Variants in GTF2I observed in about 807,000 individuals in gnomAD.
GTF2I encodes general transcription factor IIi, also known as general transcription factor II-I.
A neutral mutation model predicts 67.6 loss-of-function variants in GTF2I; 12 were observed. The observed-to-expected ratio is 0.18, with a 90% CI of 0.11 to 0.29. The LOEUF is 0.29. Among genes scored for constraint, GTF2I ranks in the 10% least tolerant of loss-of-function variants. GTF2I has a pLI of 1.00. For synonymous variants in GTF2I, 149 were observed against 197.0 expected, an observed-to-expected ratio of 0.76 and a Z score of 2.04; for missense variants, 271 against 580.1, an observed-to-expected ratio of 0.47 and a Z score of 5.47.
intron 1 of GTF2I, among the ~76,000 whole-genome samples, chr7:74,680,423 G>C (rs762821842): frequency 2.6e-5 from 4 of 151,782 alleles, no homozygotes; most frequent in African/African-American, 7.3e-5. Context: ...CTTCAAGCGC[G>C]TTCTTCCTTT....
At chr7:74,664,353 AAAGT>A (rs1804782330) in intron 1 of GTF2I, among the ~76,000 whole-genome samples, 2 of 152,150 alleles carry the variant, frequency 1.3e-5, no homozygotes, top group Admixed American at 1.3e-4. Context: ...GCCTACTGAG[AAAGT>A]AAGAGAAAGT....
chr7:74,693,642 C>T (rs782745071), intron 3 of GTF2I, among the ~76,000 whole-genome samples: 3 of 151,918 alleles, frequency 2.0e-5, no homozygotes, highest in South Asian at 2.1e-4. Context: ...GTCAAGAGAT[C>T]GAGACCATCC....
chr7:74,702,429 T>A (rs1247268428), intron 6 of GTF2I, among the ~76,000 whole-genome samples: 1 of 152,158 alleles, frequency 6.6e-6, no homozygotes, highest in Non-Finnish European at 1.5e-5. Context: ...GGTTTCACCA[T>A]GTTGGCCAGG....
intron 1 of GTF2I, among the ~76,000 whole-genome samples, chr7:74,666,936 C>T (rs1554388765): frequency 6.6e-6 from 1 of 152,002 alleles, no homozygotes. Context: ...GCTGAGATCG[C>T]ACCACTGCAC....
At chr7:74,726,579 C>T (rs1793808681) in intron 12 of GTF2I, 1 of 152,194 alleles carries the variant, frequency 6.6e-6, no homozygotes, top group South Asian at 2.1e-4. Context: ...TCCCGTGGCT[C>T]ATGCCTATAA....
Position 74,657,759 on chromosome 7 carries a change from GC to G in GTF2I, c.-308del, listed in dbSNP as rs1219396231. Reference sequence around the variant, plus strand: ...GAGCAGAGAAAAGGGGCCACCGGTCGCCCCCCCGCTTCCCCGCACGCGCTCT... The same window carrying G: ...GAGCAGAGAAAAGGGGCCACCGGTCGCCCCCCGCTTCCCCGCACGCGCTCT... On this transcript the variant is annotated 5_prime_UTR_variant, in exon 1 of 35. Transcript: ENST00000573035. 3 of 147,332 alleles carry G rather than the reference GC, an allele frequency of 2.0e-5. No individual in the cohort carries two copies. Among genetic ancestry groups the G allele is most frequent in the Non-Finnish European group, 4.5e-5 (3 of 66,920 alleles). 9.1% of individuals were successfully genotyped at this position (147,332 alleles called of 1,614,324 possible).
intron 26 of GTF2I, among the ~76,000 whole-genome samples, chr7:74,749,903 A>C (rs1795693684): frequency 6.7e-6 from 1 of 150,258 alleles, no homozygotes; most frequent in South Asian, 2.1e-4. Flanking sequence ...ACAAAAAAAA[A>C]AAAAAAAAAG....
Position 74,704,268 on chromosome 7 carries a change from T to TTTTA in GTF2I, c.587-872_587-869dup, listed in dbSNP as rs55926323. 4.4e-3 allele frequency among the ~76,000 whole-genome samples: 632 copies of TTTTA among 144,336 alleles called. 2 individuals carry two copies. Among genetic ancestry groups the TTTTA allele is most frequent in the African/African-American group, 0.013 (533 of 39,506 alleles). The allele number at this position is 144,336 out of a possible 152,430, so 94.7% of individuals were successfully genotyped here. A position where few individuals can be genotyped will look rare whatever the true frequency, so the allele number is the denominator to read the frequency against. On this transcript the variant is annotated intron_variant, in intron 6 of 34. Coordinates refer to ENST00000573035, the MANE Select transcript of GTF2I (RefSeq NM_032999.4). The stretch of plus-strand genomic sequence containing the variant: ...AGTTTTTTTTAAACTTAATTATTAT[T>TTTTA]TTTATTTATTTATTTATTTATTTAT...
chr7:74,714,185 A>C (rs587734209), intron 9 of GTF2I, among the ~76,000 whole-genome samples: 2 of 152,318 alleles, frequency 1.3e-5, no homozygotes, highest in South Asian at 4.1e-4. Flanking sequence ...ATCATTAAAA[A>C]GTTTGATGAT....
At chr7:74,687,345 C>T (rs371057538) in intron 1 of GTF2I, among the ~76,000 whole-genome samples, 3 of 152,176 alleles carry the variant, frequency 2.0e-5, no homozygotes, top group East Asian at 3.8e-4. Flanking sequence ...CTGCCTCAGC[C>T]TCCCAAGTAG....
intron 1 of GTF2I, among the ~76,000 whole-genome samples, chr7:74,681,679 A>G (rs369173006): frequency 8.5e-5 from 13 of 152,322 alleles, no homozygotes; most frequent in African/African-American, 2.6e-4. Context: ...TGGGAGCCCA[A>G]AGCAGACGGA....
At chr7:74,710,991 AGTTC>A in intron 8 of GTF2I, 37 bp from the exon 9 acceptor site, 1 of 971,242 alleles carries the variant, frequency 1.0e-6, no homozygotes, top group Non-Finnish European at 1.6e-6. Flanking sequence ...TCTAGCTGAA[AGTTC>A]TCACATGCAA....
At chr7:74,725,935 G>T (rs1359555116) in intron 12 of GTF2I, among the ~76,000 whole-genome samples, 1 of 150,908 alleles carries the variant, frequency 6.6e-6, no homozygotes, top group Non-Finnish European at 1.5e-5. Context: ...ATGTTTGTGT[G>T]ACTGAAAAAG....
chr7:74,676,861 G>A (rs931270525), intron 1 of GTF2I, among the ~76,000 whole-genome samples: 1 of 152,066 alleles, frequency 6.6e-6, no homozygotes, highest in African/African-American at 2.4e-5. Flanking sequence ...TTCAAGACCA[G>A]CCTGGCCAAC....
rs782739189 is a variant in GTF2I, at chr7:74,706,390, T to C, written c.642T>C (p.Ser214=). ...ADRSILSPGG[S]CGPIKVKTEP... ...GATCAGGGCTTTCTTCTCCTTGCAGTTGTGGCCCCATCAAAGTGAAAACTG... is the reference window on the plus strand; with the variant it reads ...GATCAGGGCTTTCTTCTCCTTGCAGCTGTGGCCCCATCAAAGTGAAAACTG... The change falls in exon 8 of 35, where the codon AGT becomes AGC. Residue 214 remains serine, a splice_region_variant and synonymous_variant. Transcript: ENST00000573035. 7 of 1,613,612 alleles carry C rather than the reference T, an allele frequency of 4.3e-6. No individual in the cohort carries two copies. In the East Asian group the frequency reaches 8.9e-5, roughly 21 times the overall value.
At chr7:74,691,179 G>A in intron 3 of GTF2I, 68 bp downstream of exon 3, 1 of 940,528 alleles carries the variant, frequency 1.1e-6, no homozygotes, top group Non-Finnish European at 1.6e-6. Flanking sequence ...GGTAAGACAA[G>A]TTATATTATT....
chr7:74,714,925 T>C lies in GTF2I; in HGVS notation c.823+9T>C, dbSNP rs1554403348. 2 of 1,564,480 alleles carry C rather than the reference T, an allele frequency of 1.3e-6. No individual in the cohort carries two copies. The highest frequency in any genetic ancestry group is 1.2e-5 in the South Asian group (1 of 86,330). On this transcript the variant is annotated intron_variant, in intron 10 of 34. Transcript: ENST00000573035. ...ATCGAAGCCTTTGCAAGGTATAATCTTTTCACTTCCATTCTCCCACATACT... is the reference window on the plus strand; with the variant it reads ...ATCGAAGCCTTTGCAAGGTATAATCCTTTCACTTCCATTCTCCCACATACT...
chr7:74,745,845 G>A, intron 21 of GTF2I, 38 bp from the exon 22 acceptor site: 1 of 1,609,712 alleles, frequency 6.2e-7, no homozygotes, highest in South Asian at 1.1e-5. Flanking sequence ...GGCCACCACT[G>A]TGCTGGCTAC....
At chr7:74,665,755 A>G (rs782624165) in intron 1 of GTF2I, among the ~76,000 whole-genome samples, 5 of 152,236 alleles carry the variant, frequency 3.3e-5, no homozygotes, top group Non-Finnish European at 5.9e-5. Context: ...GTTAATCTCC[A>G]AGAACTCTGG....
Sources: allele counts gnomAD v4.1 joint callset (sites outside exome capture counted in the v4.1 genomes callset), GRCh38; gene constraint gnomAD v4.1.1; transcripts MANE v1.5; gene names NCBI Gene and HGNC (gene_info 2026-07-23, HGNC 2026-07-21).